EXOC7: variants seen among roughly 807,000 people sequenced by gnomAD.
EXOC7 encodes exocyst complex component 7, also known as exocyst complex component Exo70.
EXOC7 carries 51 observed loss-of-function variants against 87.6 expected under a neutral mutation model. The observed-to-expected ratio is 0.58, with a 90% CI of 0.46 to 0.73. EXOC7 has a LOEUF of 0.73. Ranked by LOEUF, EXOC7 falls within the 30% of genes least tolerant of loss-of-function variation. The pLI, the probability that EXOC7 is intolerant of heterozygous loss-of-function variation, is 0.00. For synonymous variants in EXOC7, 327 were observed against 357.1 expected (o/e 0.92, Z 0.95); for missense variants, 744 against 888.4 (o/e 0.84, Z 2.07).
At chr17:76,090,375 A>T in intron 7 of EXOC7, 1 of 1,551,652 alleles carries the variant, frequency 6.4e-7, no homozygotes, top group South Asian at 1.2e-5. Context: ...ACAGGTGCTT[A>T]ACTCGGAAAT....
intron 4 of EXOC7, among the ~76,000 whole-genome samples, chr17:76,098,738 C>T (rs2067905851): frequency 6.6e-6 from 1 of 151,310 alleles, no homozygotes; most frequent in African/African-American, 2.4e-5. Context: ...TGGTGGTGGG[C>T]ACCTGTAGTC....
chr17:76,083,974 A>G (rs2067091167), intron 18 of EXOC7, 32 bp downstream of exon 18: 1 of 1,524,726 alleles, frequency 6.6e-7, no homozygotes. Flanking sequence ...GGCTGTGGGC[A>G]GCACAGGCTG....
intron 9 of EXOC7, 94 bp from the exon 10 acceptor site, chr17:76,088,656 T>C (rs2246632): frequency 0.46 from 739,786 of 1,593,526 alleles, 175,352 homozygotes; most frequent in South Asian, 0.65. Flanking sequence ...TCCATGCACC[T>C]TCAGAGCAGA....
rs770737286 is a variant in EXOC7, at chr17:76,089,219, T to C, written c.1003A>G (p.Ile335Val). The change falls in exon 8 of 19, where the codon ATC (isoleucine) becomes GTC (valine). Residue 335 changes from isoleucine (I) to valine (V), a missense_variant. This residue lies in a region of EXOC7 where 512 missense variants were observed against 573.0 expected (regional missense o/e 0.89). Coordinates refer to ENST00000589210, the MANE Select transcript of EXOC7 (RefSeq NM_001013839.4). ...GTCTTCTTCTGGTGGTGCTCGGGGA[T>C]GATGTCGGCCAGCAGCTGGTACTCG... The part of the protein sequence containing the change: ...QSEYQLLADI[I>V]PEHHQKKTFD... The C allele has an allele frequency of 6.2e-7, 1 of 1,613,974 alleles. No homozygotes were observed. The highest frequency in any genetic ancestry group is 2.2e-5 in the East Asian group (1 of 44,870).
chr17:76,082,713 G>A lies in EXOC7; in HGVS notation c.*935C>T, dbSNP rs375992722. On this transcript the variant is annotated 3_prime_UTR_variant, in exon 19 of 19. Coordinates refer to ENST00000589210, the MANE Select transcript of EXOC7 (RefSeq NM_001013839.4). Reference sequence around the variant, plus strand: ...AGTTTGCTTTCCCATGGCTGGGGGCGGGCCATGACAGGGCCTCTGGATTAA... The same window carrying A: ...AGTTTGCTTTCCCATGGCTGGGGGCAGGCCATGACAGGGCCTCTGGATTAA... 4.3e-5 allele frequency: 65 copies of A among 1,499,696 alleles called. 1 individual carries two copies. The South Asian group carries it at 6.2e-4, about 14-fold the overall frequency. 92.9% of individuals were successfully genotyped at this position (1,499,696 alleles called of 1,614,324 possible). A position where few individuals can be genotyped will look rare whatever the true frequency, so the allele number is the denominator to read the frequency against.
At chr17:76,086,729 C>T in intron 12 of EXOC7, 1 of 784,214 alleles carries the variant, frequency 1.3e-6, no homozygotes, top group Non-Finnish European at 2.1e-6. Context: ...GTTGAGAGCA[C>T]CCCGAGAAAA....
Position 76,081,288 on chromosome 17 carries a change from A to G in EXOC7, c.*2360T>C. 6.2e-7 allele frequency: 1 copy of G among 1,613,908 alleles called. No individual in the cohort carries two copies. Among genetic ancestry groups the G allele is most frequent in the Non-Finnish European group, 8.5e-7 (1 of 1,179,992 alleles). ...ATTCCCACCCCTCAGCGATGGAGTT[A>G]GAGTTCCAGGCCCACGTGGTGAACG... On this transcript the variant is annotated 3_prime_UTR_variant, in exon 19 of 19. Coordinates refer to ENST00000589210, the MANE Select transcript of EXOC7 (RefSeq NM_001013839.4).
chr17:76,081,349 G>A lies in EXOC7; in HGVS notation c.*2299C>T. 1.2e-6 allele frequency: 2 copies of A among 1,614,164 alleles called. No individual in the cohort carries two copies. The highest frequency in any genetic ancestry group is 1.7e-6 in the Non-Finnish European group (2 of 1,180,032). On this transcript the variant is annotated 3_prime_UTR_variant, in exon 19 of 19. Transcript: ENST00000589210. ...TGTCAAGAGGGAATACGTAGTTTAT[G>A]ATCTGAAGACCCAAGTCCCACCCCA...
At chr17:76,087,615 G>C (rs376168182) in intron 12 of EXOC7, 39 bp downstream of exon 12, 11 of 1,539,132 alleles carry the variant, frequency 7.1e-6, no homozygotes, top group Non-Finnish European at 8.8e-6. Context: ...AGGCAAGGAG[G>C]CGAGTGGGGC....
chr17:76,103,533 G>T, intron 1 of EXOC7, 100 bp downstream of exon 1: 1 of 1,562,606 alleles, frequency 6.4e-7, no homozygotes, highest in Non-Finnish European at 8.7e-7. Context: ...CGCTGGGTGC[G>T]CTCCCTCCCA....
chr17:76,081,058 T>A lies in EXOC7; in HGVS notation c.*2590A>T. ...CATTTATTTTTACAATGAAAGCTCA[T>A]CTATGAATCTGATAAAGGCCTTCCT... is the stretch of plus-strand genomic sequence containing the variant. On this transcript the variant is annotated 3_prime_UTR_variant, in exon 19 of 19. Transcript: ENST00000589210. 1.8e-6 allele frequency: 1 copy of A among 547,442 alleles called. No individual in the cohort carries two copies. Among genetic ancestry groups the A allele is most frequent in the Non-Finnish European group, 3.3e-6 (1 of 303,870 alleles). 33.9% of individuals were successfully genotyped at this position (547,442 alleles called of 1,614,324 possible). A position where few individuals can be genotyped will look rare whatever the true frequency, so the allele number is the denominator to read the frequency against.
intron 7 of EXOC7, 55 bp from the exon 8 acceptor site, chr17:76,089,375 C>T: frequency 1.2e-6 from 2 of 1,600,570 alleles, no homozygotes; most frequent in African/African-American, 1.3e-5. Flanking sequence ...ACACTCCTGG[C>T]TGGGGGCGGC....
At chr17:76,103,479 C>T (rs1193063623) in intron 1 of EXOC7, 53 bp from the exon 2 acceptor site, 1 of 1,556,092 alleles carries the variant, frequency 6.4e-7, no homozygotes, top group Non-Finnish European at 8.7e-7. Context: ...TAAAGGAGAC[C>T]ACTGCGTCCC....
chr17:76,089,395 C>T (rs1374940765), intron 7 of EXOC7, 75 bp from the exon 8 acceptor site: 1 of 1,574,364 alleles, frequency 6.4e-7, no homozygotes, highest in East Asian at 2.3e-5. Flanking sequence ...CGTGGGTCCC[C>T]CAGCTCCTGG....
chr17:76,086,590 G>C (rs367978808), intron 12 of EXOC7, among the ~76,000 whole-genome samples: 44 of 152,186 alleles, frequency 2.9e-4, no homozygotes, highest in African/African-American at 9.9e-4. Context: ...CCTGCACAGT[G>C]GGGAAGGCCG....
intron 7 of EXOC7, chr17:76,089,530 G>A (rs2067378968): frequency 3.3e-6 from 2 of 607,850 alleles, no homozygotes; most frequent in Non-Finnish European, 5.8e-6. Flanking sequence ...CCTTTGTTCT[G>A]GCTTCATTCT....
chr17:76,090,834 A>T, intron 7 of EXOC7: 1 of 525,306 alleles, frequency 1.9e-6, no homozygotes, highest in Non-Finnish European at 3.4e-6. Flanking sequence ...TGCTGGTCTG[A>T]GCGTGAAAGG....
In EXOC7 at chr17:76,084,513, C is replaced by G. The variant is rs368446640; in HGVS notation, c.1776+4G>C. 2 of 1,613,708 alleles carry G rather than the reference C, an allele frequency of 1.2e-6. No homozygotes were observed. Among genetic ancestry groups the G allele is most frequent in the Admixed American group, 3.3e-5 (2 of 59,950 alleles). ...CCCCTTCCCAGCCCAGGTCTTGAGC[C>G]CACCTTGACTCCCGGCTGGAACACA... On this transcript the variant is annotated splice_donor_region_variant and intron_variant, in intron 16 of 18. Transcript: ENST00000589210.
At position 76,082,212 on chromosome 17, in the gene EXOC7, TG is replaced by T; in HGVS notation, c.*1435del. On this transcript the variant is annotated 3_prime_UTR_variant, in exon 19 of 19. Coordinates refer to ENST00000589210, the MANE Select transcript of EXOC7 (RefSeq NM_001013839.4). ...CCTCCTCCCTTAGAAGAAACAGGTC[TG>T]GGGCAGGGAGCAAGCTGAGCCTCCC... The T allele has an allele frequency of 1.0e-6, 1 of 974,538 alleles. No individual in the cohort carries two copies. The allele number at this position is 974,538 out of a possible 1,614,324, so 60.4% of individuals were successfully genotyped here.
Sources: allele counts gnomAD v4.1 joint callset (sites outside exome capture counted in the v4.1 genomes callset), GRCh38; gene constraint gnomAD v4.1.1; regional missense constraint gnomAD v4.1.1; transcripts MANE v1.5; gene names NCBI Gene and HGNC (gene_info 2026-07-23, HGNC 2026-07-21).